The following AK5 variants were observed in gnomAD, a reference collection of about 807,000 sequenced individuals.
AK5 encodes adenylate kinase 5, also known as adenylate kinase isoenzyme 5.
A neutral mutation model predicts 69.5 loss-of-function variants in AK5; 27 were observed. The ratio of observed to expected loss-of-function variants is 0.39; its 90% confidence interval spans 0.29 to 0.54. The LOEUF (loss-of-function observed/expected upper bound fraction) is 0.54. AK5 is among the 20% of genes least tolerant of loss of function. AK5 has a pLI of 0.71. For synonymous variants in AK5, 260 were observed against 244.4 expected (o/e 1.06, Z -0.60); for missense variants, 531 against 700.4 (o/e 0.76, Z 2.73).
In AK5 at chr1:77,282,108, G is replaced by A. The variant is rs566771870; in HGVS notation, c.-206G>A. 2.8e-5 allele frequency: 12 copies of A among 423,166 alleles called. No individual in the cohort carries two copies. The South Asian group carries it at 7.7e-4, about 27-fold the overall frequency. The allele number at this position is 423,166 out of a possible 1,614,324, so 26.2% of individuals were successfully genotyped here. ...CTCGGGGGCTGGAACCGAAGCGGGG[G>A]CGGCGGGAGCGCGGAGACCACAGCC... On this transcript the variant is annotated 5_prime_UTR_variant, in exon 1 of 14. Coordinates refer to ENST00000354567, the MANE Select transcript of AK5 (RefSeq NM_174858.3).
At chr1:77,285,733 T>G (rs1183827586) in intron 1 of AK5, among the ~76,000 whole-genome samples, 1 of 152,054 alleles carries the variant, frequency 6.6e-6, no homozygotes, top group Non-Finnish European at 1.5e-5. Context: ...TTGTTTCTTT[T>G]CCCCTCTGGA....
intron 13 of AK5, among the ~76,000 whole-genome samples, chr1:77,554,291 T>C (rs1659964200): frequency 6.6e-6 from 1 of 152,212 alleles, no homozygotes; most frequent in African/African-American, 2.4e-5. Flanking sequence ...TCTATTCTTC[T>C]AGGCCGAGCT....
In AK5 at chr1:77,297,747, C is replaced by A; in HGVS notation, c.585+19C>A. The A allele has an allele frequency of 1.2e-6, 2 of 1,606,072 alleles. No individual in the cohort carries two copies. Among genetic ancestry groups the A allele is most frequent in the Non-Finnish European group, 1.7e-6 (2 of 1,177,208 alleles). ...CCCACAGGTACTGCTGTATAATTAT[C>A]TTTTATTCTGCAAAATGTTTTCATA... On this transcript the variant is annotated intron_variant, in intron 4 of 13. Transcript: ENST00000354567.
intron 10 of AK5, among the ~76,000 whole-genome samples, chr1:77,517,081 A>G (rs896972275): frequency 2.1e-4 from 32 of 151,606 alleles, no homozygotes; most frequent in Middle Eastern, 3.4e-3. Flanking sequence ...AAAAAAAAAA[A>G]AAGAAGAAGA....
At chr1:77,354,361 T>G (rs1222362183) in intron 6 of AK5, among the ~76,000 whole-genome samples, 1 of 152,196 alleles carries the variant, frequency 6.6e-6, no homozygotes, top group African/African-American at 2.4e-5. Context: ...ATGAAAATGT[T>G]GATTTTTGGC....
At chr1:77,452,433 A>G (rs1387355775) in intron 8 of AK5, among the ~76,000 whole-genome samples, 2 of 152,198 alleles carry the variant, frequency 1.3e-5, no homozygotes, top group African/African-American at 4.8e-5. Flanking sequence ...AAGGACTCCA[A>G]AAAGGAAGAT....
intron 8 of AK5, among the ~76,000 whole-genome samples, chr1:77,428,617 T>C (rs901520226): frequency 6.6e-6 from 1 of 152,022 alleles, no homozygotes; most frequent in African/African-American, 2.4e-5. Flanking sequence ...ATTTTTTTAA[T>C]TATACTTTAA....
Position 77,559,254 on chromosome 1 carries a change from T to A in AK5, c.*584T>A, listed in dbSNP as rs914225393. 1.3e-5 allele frequency: 2 copies of A among 152,164 alleles called. No individual in the cohort carries two copies. The highest frequency in any genetic ancestry group is 2.9e-5 in the Non-Finnish European group (2 of 68,034). The allele number at this position is 152,164 out of a possible 1,614,324, so 9.4% of individuals were successfully genotyped here. A position where few individuals can be genotyped will look rare whatever the true frequency, so the allele number is the denominator to read the frequency against. On this transcript the variant is annotated 3_prime_UTR_variant, in exon 14 of 14. Coordinates refer to ENST00000354567, the MANE Select transcript of AK5 (RefSeq NM_174858.3). Reference sequence around the variant, plus strand: ...TCAAGCAAGTAAAATTTGACAGAAATTTTAAAATATGAAGATGTATAGCTT... The same window carrying A: ...TCAAGCAAGTAAAATTTGACAGAAAATTTAAAATATGAAGATGTATAGCTT...
intron 8 of AK5, among the ~76,000 whole-genome samples, chr1:77,438,554 C>T (rs1199649532): frequency 6.6e-6 from 1 of 152,086 alleles, no homozygotes; most frequent in African/African-American, 2.4e-5. Flanking sequence ...CCATCTCACA[C>T]CTACCACTTT....
rs986664900 is a variant in AK5, at chr1:77,345,268, C to A, written c.891+4700C>A. Among the ~76,000 whole-genome samples the A allele has an allele frequency of 9.9e-5, 15 of 152,144 alleles. 1 individual carries two copies. In the South Asian group the frequency reaches 2.1e-3, roughly 21 times the overall value. The stretch of plus-strand genomic sequence containing the variant: ...TGAAATCAGAGGTAAGCTGTGGTCA[C>A]AGGATGTATGAAAAGGCCTACTAAT... On this transcript the variant is annotated intron_variant, in intron 6 of 13. Transcript: ENST00000354567.
intron 8 of AK5, among the ~76,000 whole-genome samples, chr1:77,480,529 TGATAGCCATGTA>T (rs140732787): frequency 0.01 from 1,546 of 152,158 alleles, 33 homozygotes; most frequent in East Asian, 0.078. Flanking sequence ...TCCCCAAACA[TGATAGCCATGTA>T]GAAGAAAGAT....
intron 9 of AK5, 62 bp downstream of exon 9, chr1:77,483,421 T>A: frequency 7.9e-7 from 1 of 1,259,446 alleles, no homozygotes; most frequent in Non-Finnish European, 1.2e-6. Context: ...CATGCCTTTT[T>A]AATTAAACAT....
At position 77,486,312 on chromosome 1, in the gene AK5, C is replaced by T; in HGVS notation, c.1107C>T (p.Phe369=). The change falls in exon 10 of 14, where the codon TTC becomes TTT. Residue 369 remains phenylalanine (F), a synonymous_variant. Transcript: ENST00000354567. The part of the protein sequence containing the change: ...NVFGEDTMGG[F]MEDLRKCKII... ...TAAGTTATTCTTATTTTAAAGGTTTCATGGAAGATTTGAGAAAGTGTAAAA... is the reference window on the plus strand; with the variant it reads ...TAAGTTATTCTTATTTTAAAGGTTTTATGGAAGATTTGAGAAAGTGTAAAA... 1 of 1,575,486 alleles carries T rather than the reference C, an allele frequency of 6.3e-7. No individual in the cohort carries two copies. The highest frequency in any genetic ancestry group is 8.7e-7 in the Non-Finnish European group (1 of 1,147,776).
intron 5 of AK5, among the ~76,000 whole-genome samples, chr1:77,316,056 G>A (rs1660226844): frequency 6.6e-6 from 1 of 152,104 alleles, no homozygotes; most frequent in East Asian, 1.9e-4. Flanking sequence ...CTGATGCTTG[G>A]TGCTAGCAGA....
At chr1:77,295,887 A>G (rs1027527957) in intron 3 of AK5, among the ~76,000 whole-genome samples, 2 of 152,158 alleles carry the variant, frequency 1.3e-5, no homozygotes, top group African/African-American at 2.4e-5. Context: ...TAAATACTCA[A>G]ATCTCTCCCA....
At chr1:77,283,349 G>A (rs934440559) in intron 1 of AK5, 9 of 985,254 alleles carry the variant, frequency 9.1e-6, no homozygotes, top group African/African-American at 3.5e-5. Flanking sequence ...AGCTCTGAAA[G>A]GAGAAATCCA....
At chr1:77,475,417 ACT>A (rs1654836911) in intron 8 of AK5, among the ~76,000 whole-genome samples, 4 of 3,918 alleles carry the variant, frequency 1.0e-3, no homozygotes, top group Non-Finnish European at 2.7e-3. Context: ...GTATATATAT[ACT>A]ATATATTATA....
intron 8 of AK5, among the ~76,000 whole-genome samples, chr1:77,441,183 C>G (rs765456230): frequency 3.3e-5 from 5 of 152,154 alleles, no homozygotes; most frequent in Non-Finnish European, 7.4e-5. Flanking sequence ...ACTTCTCATT[C>G]ATATCATGAA....
chr1:77,286,265 C>T (rs2602943), intron 1 of AK5, among the ~76,000 whole-genome samples: 22,132 of 151,212 alleles, frequency 0.15, 2,041 homozygotes, highest in Non-Finnish European at 0.2. Context: ...GGTTTAGAGA[C>T]ATAAAGGGTG....
Sources: allele counts gnomAD v4.1 joint callset (sites outside exome capture counted in the v4.1 genomes callset), GRCh38; gene constraint gnomAD v4.1.1; transcripts MANE v1.5; gene names NCBI Gene and HGNC (gene_info 2026-07-23, HGNC 2026-07-21).